The following ZNF268 variants were observed in gnomAD, a reference collection of about 807,000 sequenced individuals.
ZNF268 encodes zinc finger protein 268.
Under a neutral mutation model 29.3 loss-of-function variants are expected in ZNF268, and 20 were observed. The ratio of observed to expected loss-of-function variants is 0.68; its 90% CI spans 0.48 to 0.99. ZNF268 has a LOEUF of 0.99. Ranked by LOEUF, ZNF268 falls within the 50% of genes least tolerant of loss-of-function variation. The pLI, the probability that ZNF268 is intolerant of heterozygous loss-of-function variation, is 0.00. For missense variants in ZNF268, 1,240 were observed against 1,121.6 expected (o/e 1.11, Z -1.51); for synonymous variants, 429 against 376.9 (o/e 1.14, Z -1.60).
At chr12:133,197,886 T>TTTG (rs1291611550) in intron 5 of ZNF268, among the ~76,000 whole-genome samples, 7 of 152,116 alleles carry the variant, frequency 4.6e-5, no homozygotes, top group Non-Finnish European at 8.8e-5. Context: ...GATGGGGTTG[T>TTTG]TTTTTTCTTG....
rs1343948566 is a variant in ZNF268, at chr12:133,205,175, C to CAAAAAAAAAAAAA, written c.*647_*648insAAAAAAAAAAAAA. The CAAAAAAAAAAAAA allele has an allele frequency of 1.3e-3, 28 of 21,790 alleles. No homozygotes were observed. The South Asian group carries it at 0.014, about 11-fold the overall frequency. The allele number at this position is 21,790 out of a possible 1,614,324, so 1.3% of individuals were successfully genotyped here. On this transcript the variant is annotated 3_prime_UTR_variant, in exon 6 of 6. Coordinates refer to ENST00000536435, the MANE Select transcript of ZNF268 (RefSeq NM_003415.3). Reference sequence around the variant, plus strand: ...AAAAAAAAAAAAAAAAAAAAAAAACCAACCTGTTATTATATCTTAATATTA... The same window carrying CAAAAAAAAAAAAA: ...AAAAAAAAAAAAAAAAAAAAAAAACCAAAAAAAAAAAAAAACCTGTTATTATATCTTAATATTA...
In ZNF268 at chr12:133,206,755, A is replaced by G. The variant is rs1410812881; in HGVS notation, c.*2225A>G. The G allele has an allele frequency of 2.7e-4, 41 of 152,246 alleles. No homozygotes were observed. Among genetic ancestry groups the G allele is most frequent in the Admixed American group, 2.7e-3 (41 of 15,280 alleles). 9.4% of individuals were successfully genotyped at this position (152,246 alleles called of 1,614,324 possible). ...CTTATACAGAATCCAATCTCAAGAT[A>G]CTTGGGGTGAAGAATGATGATTCAC... On this transcript the variant is annotated 3_prime_UTR_variant, in exon 6 of 6. Transcript: ENST00000536435.
rs552376349 is a variant in ZNF268, at chr12:133,209,942, C to G, written c.*5412C>G. 1 of 152,358 alleles carries G rather than the reference C, an allele frequency of 6.6e-6. No homozygotes were observed. Among genetic ancestry groups the G allele is most frequent in the Admixed American group, 6.5e-5 (1 of 15,298 alleles). The allele number at this position is 152,358 out of a possible 1,614,324, so 9.4% of individuals were successfully genotyped here. A position where few individuals can be genotyped will look rare whatever the true frequency, so the allele number is the denominator to read the frequency against. On this transcript the variant is annotated 3_prime_UTR_variant, in exon 6 of 6. Transcript: ENST00000536435. Reference sequence around the variant, plus strand: ...GTTGCAGTGTTTTGTCGCAGTGTTTCTCCCTTTTTTTGTACTGGGATTTCT... The same window carrying G: ...GTTGCAGTGTTTTGTCGCAGTGTTTGTCCCTTTTTTTGTACTGGGATTTCT...
At chr12:133,188,106 C>A (rs985901094) in intron 3 of ZNF268, 34 bp downstream of exon 3, 41 of 1,430,958 alleles carry the variant, frequency 2.9e-5, no homozygotes, top group Non-Finnish European at 3.6e-5. Context: ...CTAGTGTTTT[C>A]TTTATTACCT....
At chr12:133,193,533 G>T (rs1318690797) in intron 5 of ZNF268, 1 of 684,218 alleles carries the variant, frequency 1.5e-6, no homozygotes. Context: ...ATCCTCTGGA[G>T]GTGAGGAACA....
chr12:133,190,698 C>T (rs753686227), intron 3 of ZNF268, among the ~76,000 whole-genome samples: 3 of 152,166 alleles, frequency 2.0e-5, no homozygotes, highest in Admixed American at 6.5e-5. Context: ...CAATAGTGCC[C>T]TTTCACAGAT....
At position 133,203,571 on chromosome 12, in the gene ZNF268, G is replaced by A. The variant is rs780717572; in HGVS notation, c.1885G>A (p.Val629Ile). The change falls in exon 6 of 6, where the codon GTA (valine) becomes ATA (isoleucine). Residue 629 changes from valine (V) to isoleucine (I), a missense_variant. Around this residue, in one of 3 missense-constraint regions of ZNF268, gnomAD observed 1,177 missense variants for 1,039.6 expected, o/e 1.13. Transcript: ENST00000536435. ...CTTTAATACAAAGTCAAACCTGATT[G>A]TACATCAGAGAACTCATACAGGAGA... ...KAFNTKSNLI[V>I]HQRTHTGEKP... The A allele has an allele frequency of 3.2e-6, 5 of 1,564,678 alleles. No individual in the cohort carries two copies. In the Admixed American group the frequency reaches 7.6e-5, roughly 24 times the overall value.
chr12:133,181,736 T>G, intron 1 of ZNF268, 50 bp downstream of exon 1: 3 of 507,680 alleles, frequency 5.9e-6, no homozygotes, highest in Non-Finnish European at 1.1e-5. Context: ...AGAACTAATC[T>G]GCCTTAGCTC....
At chr12:133,193,373 A>C (rs2135501624) in intron 5 of ZNF268, 1 of 574,524 alleles carries the variant, frequency 1.7e-6, no homozygotes, top group African/African-American at 1.9e-5. Flanking sequence ...TGTTGCTGTA[A>C]TAAAATACTA....
At position 133,204,662 on chromosome 12, in the gene ZNF268, C is replaced by T; in HGVS notation, c.*132C>T. ...ACTGAATAGAAACTTTATGAATGCACAGCATATGGAAAGGCATCCACAGAA... is the reference window on the plus strand; with the variant it reads ...ACTGAATAGAAACTTTATGAATGCATAGCATATGGAAAGGCATCCACAGAA... On this transcript the variant is annotated 3_prime_UTR_variant, in exon 6 of 6. Coordinates refer to ENST00000536435, the MANE Select transcript of ZNF268 (RefSeq NM_003415.3). The T allele has an allele frequency of 1.5e-6, 1 of 671,420 alleles. No homozygotes were observed. The allele number at this position is 671,420 out of a possible 1,614,324, so 41.6% of individuals were successfully genotyped here.
Position 133,184,760 on chromosome 12 carries a change from G to A in ZNF268, c.33+2730G>A, listed in dbSNP as rs755961744. On this transcript the variant is annotated intron_variant, in intron 2 of 5. Transcript: ENST00000536435. ...GCCTCCTGAGTAGCTGGGATTACAG[G>A]TGCGCACCACCATGCCCAGCTAATT... 8 of 445,074 alleles carry A rather than the reference G, an allele frequency of 1.8e-5. 1 individual carries two copies. The highest frequency in any genetic ancestry group is 1.3e-4 in the South Asian group (8 of 63,506). The allele number at this position is 445,074 out of a possible 1,614,324, so 27.6% of individuals were successfully genotyped here.
chr12:133,198,362 T>C (rs1566376408), intron 5 of ZNF268, among the ~76,000 whole-genome samples: 1 of 150,546 alleles, frequency 6.6e-6, no homozygotes, highest in African/African-American at 2.5e-5. Context: ...CGGCATTATT[T>C]CTGAGGGCTC....
In ZNF268 at chr12:133,188,080, T is replaced by C. The variant is rs568868268; in HGVS notation, c.234+8T>C. The C allele has an allele frequency of 4.5e-6, 7 of 1,571,366 alleles. No homozygotes were observed. The highest frequency in any genetic ancestry group is 4.6e-5 in the East Asian group (2 of 43,426). Reference sequence around the variant, plus strand: ...AAAATCACCAAGTCCTGGGTGAGCTTCTCATTTGTTTATTCCTAGTGTTTT... The same window carrying C: ...AAAATCACCAAGTCCTGGGTGAGCTCCTCATTTGTTTATTCCTAGTGTTTT... On this transcript the variant is annotated splice_region_variant and intron_variant, in intron 3 of 5. Coordinates refer to ENST00000536435, the MANE Select transcript of ZNF268 (RefSeq NM_003415.3).
In ZNF268 at chr12:133,204,004, C is replaced by T; in HGVS notation, c.2318C>T (p.Thr773Ile). The change falls in exon 6 of 6, where the codon ACT (threonine) becomes ATT (isoleucine). Residue 773 changes from threonine (T) to isoleucine (I), a missense_variant. By Grantham distance (89) the Thr-to-Ile change is moderately conservative. This residue lies in a region of ZNF268 where 1,177 missense variants were observed against 1,039.6 expected (regional missense o/e 1.13). Coordinates refer to ENST00000536435, the MANE Select transcript of ZNF268 (RefSeq NM_003415.3). ...RKDQLISHQR[T>I]HAGEKPYGCS... ...GACCAGCTCATTTCACATCAGCGAA[C>T]TCATGCAGGGGAAAAGCCTTATGGG... 6.3e-7 allele frequency: 1 copy of T among 1,580,906 alleles called. No individual in the cohort carries two copies.
chr12:133,184,595 G>A (rs967884082), intron 2 of ZNF268: 18 of 359,584 alleles, frequency 5.0e-5, no homozygotes, highest in African/African-American at 3.6e-4. Context: ...ACTATTAAAA[G>A]GCCGCACCTC....
At position 133,203,285 on chromosome 12, in the gene ZNF268, T is replaced by G; in HGVS notation, c.1599T>G (p.Cys533Trp). ...TGEKLHECNN[C>W]GKAFSFKSQL... ...AAAAACTCCATGAATGCAACAATTG[T>G]GGGAAAGCCTTCAGTTTTAAATCAC... is the stretch of plus-strand genomic sequence containing the variant. Residue 533 changes from cysteine to tryptophan, a missense_variant, in exon 6 of 6, where the codon TGT becomes TGG. Physicochemically the swap from Cys to Trp is radical, Grantham distance 215 (BLOSUM62 -2). This residue lies in a region of ZNF268 where 1,177 missense variants were observed against 1,039.6 expected (regional missense o/e 1.13). Transcript: ENST00000536435. 1 of 1,539,624 alleles carries G rather than the reference T, an allele frequency of 6.5e-7. No individual in the cohort carries two copies. Among genetic ancestry groups the G allele is most frequent in the Non-Finnish European group, 8.7e-7 (1 of 1,147,340 alleles).
intron 5 of ZNF268, among the ~76,000 whole-genome samples, chr12:133,201,511 G>C (rs1478132614): frequency 1.3e-5 from 2 of 152,094 alleles, no homozygotes; most frequent in Non-Finnish European, 2.9e-5. Context: ...CTAAAGAGAA[G>C]TCTGATGGCA....
intron 5 of ZNF268, among the ~76,000 whole-genome samples, chr12:133,194,036 TAA>T (rs1396580276): frequency 6.6e-6 from 1 of 152,224 alleles, no homozygotes; most frequent in Non-Finnish European, 1.5e-5. Context: ...TTTGTTCCTT[TAA>T]AAAGAGGTCT....
Position 133,207,549 on chromosome 12 carries a change from C to G in ZNF268, c.*3019C>G, listed in dbSNP as rs866165101. Reference sequence around the variant, plus strand: ...TGGGGCCAGGCACGGTGGCTCACACCTATAATCCCAGCACTTCAGGAGGCT... The same window carrying G: ...TGGGGCCAGGCACGGTGGCTCACACGTATAATCCCAGCACTTCAGGAGGCT... On this transcript the variant is annotated 3_prime_UTR_variant, in exon 6 of 6. Transcript: ENST00000536435. The G allele has an allele frequency of 3.4e-4, 52 of 152,222 alleles. No homozygotes were observed. The highest frequency in any genetic ancestry group is 1.2e-3 in the African/African-American group (51 of 41,454). 9.4% of individuals were successfully genotyped at this position (152,222 alleles called of 1,614,324 possible).
Sources: allele counts gnomAD v4.1 joint callset (sites outside exome capture counted in the v4.1 genomes callset), GRCh38; gene constraint gnomAD v4.1.1; regional missense constraint gnomAD v4.1.1; transcripts MANE v1.5; gene names NCBI Gene and HGNC (gene_info 2026-07-23, HGNC 2026-07-21).